The following ETS1 variants were observed in gnomAD, a reference collection of about 807,000 sequenced individuals.
The protein encoded by ETS1 is protein C-ets-1.
ETS1 carries 15 observed loss-of-function variants against 58.6 expected under a neutral mutation model. That is an observed-to-expected ratio of 0.26 (90% CI 0.17 to 0.39). The LOEUF (loss-of-function observed/expected upper bound fraction) is 0.39, where lower values mean the gene tolerates loss of function less well. Ranked by LOEUF, ETS1 falls within the 10% of genes least tolerant of loss-of-function variation. ETS1 has a pLI of 1.00. For synonymous variants in ETS1, 214 were observed against 218.2 expected (o/e 0.98, Z 0.17); for missense variants, 417 against 610.5 (o/e 0.68, Z 3.34).
At chr11:128,477,695 C>T (rs1862360030) in intron 8 of ETS1, among the ~76,000 whole-genome samples, 1 of 152,162 alleles carries the variant, frequency 6.6e-6, no homozygotes, top group Non-Finnish European at 1.5e-5. Flanking sequence ...CAGACCACAA[C>T]AATAGGAGAA....
Position 128,568,738 on chromosome 11 carries a change from G to A in ETS1, c.69+4324C>T, listed in dbSNP as rs144279241. Among the ~76,000 whole-genome samples the A allele has an allele frequency of 4.8e-3, 730 of 152,302 alleles. 9 individuals are homozygous for A. The highest frequency in any genetic ancestry group is 0.016 in the African/African-American group (661 of 41,560). On this transcript the variant is annotated intron_variant, in intron 2 of 9. Coordinates refer to ENST00000392668, the MANE Select transcript of ETS1 (RefSeq NM_001143820.2). ...GATTTTAACCACTGTGGCTCCCATG[G>A]TTTCCAGGCATTCTTCCGCAGCAAA... is the stretch of plus-strand genomic sequence containing the variant.
At position 128,560,294 on chromosome 11, in the gene ETS1, G is replaced by T. The variant is rs556083313; in HGVS notation, c.70-3859C>A. ...TGCCCAGCTAATTTTTGTATTTTTA[G>T]TAGAGTCGGGGTTTTATCCTGTTGG... On this transcript the variant is annotated intron_variant, in intron 2 of 9. Coordinates refer to ENST00000392668, the MANE Select transcript of ETS1 (RefSeq NM_001143820.2). Among the ~76,000 whole-genome samples, 61 of 152,246 alleles carry T rather than the reference G, an allele frequency of 4.0e-4. 2 individuals carry two copies. The South Asian group carries it at 0.012, about 31-fold the overall frequency.
intron 3 of ETS1, among the ~76,000 whole-genome samples, chr11:128,541,731 C>T (rs576336349): frequency 1.3e-5 from 2 of 152,102 alleles, no homozygotes; most frequent in Admixed American, 6.5e-5. Context: ...ACTGAGTGTC[C>T]GTGGCAATTT....
chr11:128,576,599 A>C (rs1364247787), intron 1 of ETS1, among the ~76,000 whole-genome samples: 2 of 152,054 alleles, frequency 1.3e-5, no homozygotes, highest in Non-Finnish European at 2.9e-5. Context: ...ATTTTTCTTG[A>C]AAAGGACCTG....
intron 1 of ETS1, among the ~76,000 whole-genome samples, chr11:128,581,952 T>A (rs995420421): frequency 1.3e-5 from 2 of 152,198 alleles, no homozygotes; most frequent in Admixed American, 6.5e-5. Flanking sequence ...CTGCCTTAGA[T>A]CTCTCAAATC....
intron 3 of ETS1, among the ~76,000 whole-genome samples, chr11:128,550,415 A>C (rs1864210900): frequency 6.6e-6 from 1 of 152,220 alleles, no homozygotes; most frequent in Non-Finnish European, 1.5e-5. Context: ...CTTATGGAGA[A>C]TAGGGTCAGG....
chr11:128,578,534 G>A (rs564549900), intron 1 of ETS1, among the ~76,000 whole-genome samples: 2 of 152,130 alleles, frequency 1.3e-5, no homozygotes, highest in African/African-American at 4.8e-5. Context: ...CTAATACAAT[G>A]TTACCGCAAA....
intron 3 of ETS1, among the ~76,000 whole-genome samples, chr11:128,516,701 C>G (rs1565392682): frequency 6.6e-6 from 1 of 152,034 alleles, no homozygotes; most frequent in Non-Finnish European, 1.5e-5. Context: ...TGCCCTGACA[C>G]ATGGAATGGA....
rs1178670690 is a variant in ETS1, at chr11:128,483,947, T to C, written c.862+876A>G. On this transcript the variant is annotated intron_variant, in intron 7 of 9. Coordinates refer to ENST00000392668, the MANE Select transcript of ETS1 (RefSeq NM_001143820.2). Reference sequence around the variant, plus strand: ...CCAGAAAAGTCAGGTTTTTCACCTTTTTAGAAATCATCTAGCTCTTGCTAA... The same window carrying C: ...CCAGAAAAGTCAGGTTTTTCACCTTCTTAGAAATCATCTAGCTCTTGCTAA... Among the ~76,000 whole-genome samples, 4 of 152,366 alleles carry C rather than the reference T, an allele frequency of 2.6e-5. No homozygotes were observed. The East Asian group carries it at 7.7e-4, about 29-fold the overall frequency.
intron 1 of ETS1, among the ~76,000 whole-genome samples, chr11:128,574,111 G>C (rs906933226): frequency 6.6e-6 from 1 of 152,138 alleles, no homozygotes; most frequent in African/African-American, 2.4e-5. Flanking sequence ...TCACCATCTT[G>C]ATCCCTTTTT....
rs75176667 is a variant in ETS1 at position 128,574,842 on chromosome 11, T to C, written c.-14-1698A>G. On this transcript the variant is annotated intron_variant, in intron 1 of 9. Coordinates refer to ENST00000392668, the MANE Select transcript of ETS1 (RefSeq NM_001143820.2). ...TACTTTGAGATCTTTGGTTGAGACA[T>C]AAAAGTTAACAACATTGATTGTGTC... Among the ~76,000 whole-genome samples the C allele has an allele frequency of 9.1e-3, 1,391 of 152,328 alleles. 20 individuals are homozygous for C. The highest frequency in any genetic ancestry group is 0.033 in the African/African-American group (1,354 of 41,568).
At chr11:128,558,417 G>A (rs1344306145) in intron 2 of ETS1, among the ~76,000 whole-genome samples, 2 of 152,146 alleles carry the variant, frequency 1.3e-5, no homozygotes, top group Non-Finnish European at 2.9e-5. Flanking sequence ...GGCCGAGGAG[G>A]GTGAATCACC....
chr11:128,522,424 C>G, intron 3 of ETS1: 2 of 883,648 alleles, frequency 2.3e-6, no homozygotes, highest in Non-Finnish European at 2.7e-6. Flanking sequence ...GGGCGATGTC[C>G]GCTTGGGGGA....
intron 2 of ETS1, among the ~76,000 whole-genome samples, chr11:128,570,810 C>T (rs1251703429): frequency 6.6e-6 from 1 of 152,170 alleles, no homozygotes; most frequent in East Asian, 1.9e-4. Flanking sequence ...CTTCAGCCCT[C>T]GATATGATCT....
At position 128,556,277 on chromosome 11, in the gene ETS1, GT is replaced by G. The variant is rs369209306; in HGVS notation, c.214+13del. 4.6e-5 allele frequency: 73 copies of G among 1,596,124 alleles called. No homozygotes were observed. The African/African-American group carries it at 9.5e-4, about 21-fold the overall frequency. ...AACTCTATCCTCATTCCCAGCTTTT[GT>G]TTATGTTCCTACCTGAGACACAGTG... On this transcript the variant is annotated intron_variant, in intron 3 of 9. Coordinates refer to ENST00000392668, the MANE Select transcript of ETS1 (RefSeq NM_001143820.2).
At chr11:128,562,667 A>G (rs1484245317) in intron 2 of ETS1, among the ~76,000 whole-genome samples, 1 of 152,192 alleles carries the variant, frequency 6.6e-6, no homozygotes, top group African/African-American at 2.4e-5. Context: ...TGGACAATGG[A>G]CACACCTTGG....
intron 3 of ETS1, among the ~76,000 whole-genome samples, chr11:128,507,228 T>C (rs1482475126): frequency 6.6e-6 from 1 of 152,022 alleles, no homozygotes; most frequent in Non-Finnish European, 1.5e-5. Flanking sequence ...CGAGCCGGGC[T>C]CCACCCTCCA....
At chr11:128,564,173 C>T (rs1864451350) in intron 2 of ETS1, among the ~76,000 whole-genome samples, 1 of 152,128 alleles carries the variant, frequency 6.6e-6, no homozygotes, top group Non-Finnish European at 1.5e-5. Context: ...GGGAAGGAGG[C>T]AAACAGAACC....
At chr11:128,494,828 C>A (rs919689566) in intron 3 of ETS1, among the ~76,000 whole-genome samples, 2 of 152,112 alleles carry the variant, frequency 1.3e-5, no homozygotes, top group Non-Finnish European at 2.9e-5. Flanking sequence ...ACTGGAGCGT[C>A]TGGGATCCTA....
Sources: gnomAD v4.1 joint callset for allele counts (sites outside exome capture counted in the v4.1 genomes callset) on GRCh38, gnomAD v4.1.1 for gene constraint, MANE v1.5 for transcripts, NCBI Gene and HGNC (gene_info 2026-07-23, HGNC 2026-07-21) for gene names.